SYNE1: variants seen among roughly 807,000 people sequenced by gnomAD.
The protein encoded by SYNE1 is nesprin-1.
SYNE1 carries 616 observed loss-of-function variants against 1,111.0 expected under a neutral mutation model. The observed-to-expected ratio is 0.55, with a 90% CI of 0.52 to 0.59. The LOEUF is 0.59. Among genes scored for constraint, SYNE1 ranks in the 20% least tolerant of loss-of-function variants. The pLI, the probability that SYNE1 is intolerant of heterozygous loss-of-function variation, is 0.00. For missense variants in SYNE1, 10,006 were observed against 10,417.0 expected (o/e 0.96, Z 1.72); for synonymous variants, 3,855 against 3,825.8 (o/e 1.01, Z -0.28).
At chr6:152,290,546 ACT>A (rs1343662972) in intron 95 of SYNE1, among the ~76,000 whole-genome samples, 1 of 152,092 alleles carries the variant, frequency 6.6e-6, no homozygotes, top group African/African-American at 2.4e-5. Context: ...ACAGACTGAG[ACT>A]CTGTCTCAAA....
intron 6 of SYNE1, among the ~76,000 whole-genome samples, chr6:152,514,392 T>G (rs1281160213): frequency 6.6e-6 from 1 of 151,982 alleles, no homozygotes; most frequent in Non-Finnish European, 1.5e-5. Context: ...AAAACCAAGC[T>G]CTGCATGTTC....
intron 95 of SYNE1, among the ~76,000 whole-genome samples, chr6:152,285,467 T>A (rs1311909559): frequency 6.6e-6 from 1 of 152,316 alleles, no homozygotes; most frequent in African/African-American, 2.4e-5. Flanking sequence ...CTTTGAAATA[T>A]GTACTGGATT....
intron 78 of SYNE1, among the ~76,000 whole-genome samples, chr6:152,328,431 G>T (rs1278047285): frequency 6.9e-6 from 1 of 144,216 alleles, no homozygotes; most frequent in Non-Finnish European, 1.5e-5. Context: ...TTTAGACAGA[G>T]TTTCACTCTT....
At chr6:152,580,968 T>C (rs1226317027) in intron 3 of SYNE1, among the ~76,000 whole-genome samples, 1 of 152,248 alleles carries the variant, frequency 6.6e-6, no homozygotes, top group African/African-American at 2.4e-5. Flanking sequence ...CTACATCTGT[T>C]AATACCTGTA....
At chr6:152,377,413 C>T (rs916968838) in intron 56 of SYNE1, among the ~76,000 whole-genome samples, 8 of 150,668 alleles carry the variant, frequency 5.3e-5, no homozygotes, top group Non-Finnish European at 1.0e-4. Flanking sequence ...AGTTCGAGAC[C>T]AGCCTGACCA....
chr6:152,593,169 G>T (rs2099571734), intron 3 of SYNE1, among the ~76,000 whole-genome samples: 1 of 152,122 alleles, frequency 6.6e-6, no homozygotes, highest in South Asian at 2.1e-4. Context: ...TGGTCAAATG[G>T]GTTTCCTTAT....
chr6:152,255,213 C>G (rs756424587), intron 103 of SYNE1, 124 bp from the exon 104 acceptor site: 1 of 841,922 alleles, frequency 1.2e-6, no homozygotes, highest in Non-Finnish European at 1.9e-6. Context: ...AGACCTAAGA[C>G]AACTGGAACC....
chr6:152,390,949 CTG>C (rs1409787662), intron 52 of SYNE1, among the ~76,000 whole-genome samples: 1 of 152,202 alleles, frequency 6.6e-6, no homozygotes, highest in Non-Finnish European at 1.5e-5. Context: ...CTTCCCTAGA[CTG>C]TGAACTCCTA....
intron 58 of SYNE1, 58 bp downstream of exon 58, chr6:152,376,323 G>A (rs1192218987): frequency 3.8e-6 from 6 of 1,588,948 alleles, no homozygotes; most frequent in Admixed American, 1.7e-5. Context: ...CCTTGATTTA[G>A]AGGTTAACTT....
In SYNE1 at chr6:152,416,896, C is replaced by T. The variant is rs754506784; in HGVS notation, c.5541G>A (p.Glu1847=). Residue 1847 remains glutamate (E), a synonymous_variant, in exon 41 of 146, where the codon GAG becomes GAA. Transcript: ENST00000367255. ...EDLHLLQGKA[E]DCFQLFEEAS... ...CCTCCTCAAACAGCTGGAAGCAGTC[C>T]TCAGCCTTTCCCTGCAGGAGGTGGA... 5 of 1,613,982 alleles carry T rather than the reference C, an allele frequency of 3.1e-6. No homozygotes were observed. The highest frequency in any genetic ancestry group is 3.4e-6 in the Non-Finnish European group (4 of 1,179,876).
Position 152,396,806 on chromosome 6 carries a change from C to G in SYNE1, c.7525G>C (p.Ala2509Pro). 3.1e-6 allele frequency: 5 copies of G among 1,614,106 alleles called. No individual in the cohort carries two copies. Among genetic ancestry groups the G allele is most frequent in the East Asian group, 2.2e-5 (1 of 44,872 alleles). The change falls in exon 50 of 146, where the codon GCT (alanine) becomes CCT (proline). Residue 2509 changes from alanine to proline, a missense_variant. Transcript: ENST00000367255. ...FLKQCLKDKQ[A>P]LQDCASELGS... ...AGTTCTGAAGCACAGTCTTGAAGAG[C>G]CTGCTTATCTTTAAGGCATTGTTTC... is the stretch of plus-strand genomic sequence containing the variant.
rs1036503425 is a variant in SYNE1, at chr6:152,318,760, A to T, written c.16389+103T>A. 18 of 1,427,964 alleles carry T rather than the reference A, an allele frequency of 1.3e-5. No homozygotes were observed. The South Asian group carries it at 1.3e-4, about 10-fold the overall frequency. 88.5% of individuals were successfully genotyped at this position (1,427,964 alleles called of 1,614,324 possible). On this transcript the variant is annotated intron_variant, in intron 85 of 145. Coordinates refer to ENST00000367255, the MANE Select transcript of SYNE1 (RefSeq NM_182961.4). Reference sequence around the variant, plus strand: ...CCACCTGCTGTTACTATTTGGTTTTAAAAAAGGTTCCTAAAAGGTTTTTAT... The same window carrying T: ...CCACCTGCTGTTACTATTTGGTTTTTAAAAAGGTTCCTAAAAGGTTTTTAT...
chr6:152,553,424 C>G (rs1257183039), intron 3 of SYNE1, among the ~76,000 whole-genome samples: 1 of 152,078 alleles, frequency 6.6e-6, no homozygotes, highest in African/African-American at 2.4e-5. Flanking sequence ...CAAATGAAAC[C>G]CTCCTTACTC....
At position 152,416,356 on chromosome 6, in the gene SYNE1, A is replaced by G; in HGVS notation, c.6050+31T>C. Reference sequence around the variant, plus strand: ...TTCCAGAACAAATACAAAAGAAAAGAGACAAGTGGCCGTGACAGTTTCCTA... The same window carrying G: ...TTCCAGAACAAATACAAAAGAAAAGGGACAAGTGGCCGTGACAGTTTCCTA... On this transcript the variant is annotated intron_variant, in intron 41 of 145. Coordinates refer to ENST00000367255, the MANE Select transcript of SYNE1 (RefSeq NM_182961.4). The G allele has an allele frequency of 5.0e-6, 8 of 1,612,162 alleles. No individual in the cohort carries two copies. The South Asian group carries it at 8.8e-5, about 18-fold the overall frequency.
chr6:152,289,618 TTTTA>T (rs569648937), intron 95 of SYNE1, among the ~76,000 whole-genome samples: 11 of 151,980 alleles, frequency 7.2e-5, no homozygotes, highest in African/African-American at 1.2e-4. Flanking sequence ...ATGTTTCCTA[TTTTA>T]TTTATTTATT....
chr6:152,531,471 T>G (rs6917155), intron 4 of SYNE1, among the ~76,000 whole-genome samples: 3,716 of 152,298 alleles, frequency 0.024, 146 homozygotes, highest in African/African-American at 0.084. Context: ...CCCTTTTGAA[T>G]GTAGTTTAAC....
At chr6:152,417,105 T>C (rs1000994724) in intron 40 of SYNE1, 90 bp from the exon 41 acceptor site, 48 of 1,567,776 alleles carry the variant, frequency 3.1e-5, no homozygotes, top group Non-Finnish European at 4.0e-5. Flanking sequence ...GAAGATCTAT[T>C]TTAGGTGCCA....
Position 152,354,893 on chromosome 6 carries a change from G to A in SYNE1, c.10692C>T (p.Ile3564=). Residue 3564 remains isoleucine, a synonymous_variant, in exon 67 of 146, where the codon ATC becomes ATT. Transcript: ENST00000367255. ...HTREDVIPSG[I]PQAEDRALES... is the part of the protein sequence containing the mutation. ...CTAAAGCCCGGTCCTCTGCCTGTGG[G>A]ATACCTGATGGGATCACATCCTCTC... 6.2e-7 allele frequency: 1 copy of A among 1,614,168 alleles called. No homozygotes were observed.
intron 87 of SYNE1, 86 bp from the exon 88 acceptor site, chr6:152,310,959 T>G: frequency 7.3e-7 from 1 of 1,373,142 alleles, no homozygotes; most frequent in South Asian, 1.2e-5. Context: ...AAATGCCCTG[T>G]GTAAGTTCTG....
Sources: gnomAD v4.1 joint callset for allele counts (sites outside exome capture counted in the v4.1 genomes callset) on GRCh38, gnomAD v4.1.1 for gene constraint, MANE v1.5 for transcripts, NCBI Gene and HGNC (gene_info 2026-07-23, HGNC 2026-07-21) for gene names.